The following ARL6IP5 variants were observed in gnomAD, a reference collection of about 807,000 sequenced individuals.
ARL6IP5 encodes PRA1 family protein 3.
Under a neutral mutation model 13.0 loss-of-function variants are expected in ARL6IP5, and 6 were observed. That is an observed-to-expected ratio of 0.46 (90% confidence interval 0.25 to 0.91). ARL6IP5 has a LOEUF of 0.91. ARL6IP5 is among the 40% of genes least tolerant of loss of function. The probability of loss-of-function intolerance (pLI) is 0.17; values close to 1 mark genes in which losing one functional copy is unlikely to be tolerated. For missense variants in ARL6IP5, 208 were observed against 248.8 expected, an observed-to-expected ratio of 0.84 and a Z score of 1.10; for synonymous variants, 91 against 91.9, an observed-to-expected ratio of 0.99 and a Z score of 0.06.
chr3:69,091,402 C>T (rs2092265417), intron 1 of ARL6IP5, among the ~76,000 whole-genome samples: 1 of 151,992 alleles, frequency 6.6e-6, no homozygotes, highest in Non-Finnish European at 1.5e-5. Context: ...TCAGGTGATC[C>T]TCCTGCCTCA....
At chr3:69,098,062 T>G (rs749955604) in intron 1 of ARL6IP5, among the ~76,000 whole-genome samples, 43 of 152,028 alleles carry the variant, frequency 2.8e-4, no homozygotes, top group Admixed American at 9.8e-4. Flanking sequence ...AATAATATAC[T>G]AATTATAGAA....
Position 69,105,542 on chromosome 3 carries a change from G to A in ARL6IP5, c.*906G>A, listed in dbSNP as rs1334799775. The A allele has an allele frequency of 1.3e-5, 2 of 152,186 alleles. No individual in the cohort carries two copies. The highest frequency in any genetic ancestry group is 3.8e-4 in the East Asian group (2 of 5,200). 9.4% of individuals were successfully genotyped at this position (152,186 alleles called of 1,614,324 possible). On this transcript the variant is annotated 3_prime_UTR_variant, in exon 3 of 3. Transcript: ENST00000273258. Reference sequence around the variant, plus strand: ...TTTTATTAATTCCTTAGGGGCACAAGGAGGACAATAATAGCTGATCTTTTG... The same window carrying A: ...TTTTATTAATTCCTTAGGGGCACAAAGAGGACAATAATAGCTGATCTTTTG...
intron 1 of ARL6IP5, 65 bp downstream of exon 1, chr3:69,085,288 A>G: frequency 6.5e-7 from 1 of 1,538,854 alleles, no homozygotes; most frequent in South Asian, 1.2e-5. Context: ...TCGGGGTGCA[A>G]GATCCCGGGA....
Position 69,104,862 on chromosome 3 carries a change from C to T in ARL6IP5, c.*226C>T, listed in dbSNP as rs1165220575. 6 of 705,086 alleles carry T rather than the reference C, an allele frequency of 8.5e-6. No homozygotes were observed. The highest frequency in any genetic ancestry group is 5.2e-5 in the African/African-American group (3 of 57,174). 43.7% of individuals were successfully genotyped at this position (705,086 alleles called of 1,614,324 possible). ...CCCTCCTATTGTGTCTGAAGTTTCA[C>T]GTGTGTTTATGAAATCTAATGGGAA... On this transcript the variant is annotated 3_prime_UTR_variant, in exon 3 of 3. Transcript: ENST00000273258.
chr3:69,085,262 C>T, intron 1 of ARL6IP5, 39 bp downstream of exon 1: 1 of 1,586,162 alleles, frequency 6.3e-7, no homozygotes, highest in Non-Finnish European at 8.6e-7. Context: ...CGATCCGGGG[C>T]GAGCACGGAG....
chr3:69,089,642 A>AG (rs897708378), intron 1 of ARL6IP5, among the ~76,000 whole-genome samples: 7 of 151,776 alleles, frequency 4.6e-5, no homozygotes, highest in African/African-American at 1.7e-4. Context: ...CTGTCTAAAA[A>AG]AAAAAAAAAA....
At chr3:69,097,531 G>A (rs547133202) in intron 1 of ARL6IP5, among the ~76,000 whole-genome samples, 1 of 152,030 alleles carries the variant, frequency 6.6e-6, no homozygotes, top group African/African-American at 2.4e-5. Context: ...GAGTTTCAAG[G>A]CCTCTTCATT....
intron 1 of ARL6IP5, among the ~76,000 whole-genome samples, chr3:69,096,828 T>TC (rs2092288889): frequency 6.6e-6 from 1 of 152,022 alleles, no homozygotes; most frequent in Non-Finnish European, 1.5e-5. Context: ...GGTCTTGATC[T>TC]CCTGACCTTG....
chr3:69,098,006 T>A (rs545596527), intron 1 of ARL6IP5, among the ~76,000 whole-genome samples: 214 of 152,290 alleles, frequency 1.4e-3, no homozygotes, highest in African/African-American at 4.8e-3. Flanking sequence ...TGCTTTTATG[T>A]TTTTGTATTT....
intron 1 of ARL6IP5, among the ~76,000 whole-genome samples, chr3:69,101,256 AT>A (rs905798495): frequency 3.6e-4 from 54 of 151,614 alleles, no homozygotes; most frequent in African/African-American, 1.2e-3. Flanking sequence ...AGTCTTCAAA[AT>A]TGTGGACCTC....
intron 1 of ARL6IP5, among the ~76,000 whole-genome samples, chr3:69,096,733 A>T (rs4855547): frequency 6.6e-6 from 1 of 150,630 alleles, no homozygotes; most frequent in African/African-American, 2.4e-5. Flanking sequence ...CCTCCCAAGT[A>T]GTTGGGATTA....
intron 1 of ARL6IP5, among the ~76,000 whole-genome samples, chr3:69,089,493 T>C (rs1559652255): frequency 6.6e-6 from 1 of 152,178 alleles, no homozygotes; most frequent in Non-Finnish European, 1.5e-5. Flanking sequence ...TGCAATGCTA[T>C]TGCTGTCTTA....
In ARL6IP5 at chr3:69,102,001, C is replaced by A. The variant is rs10489; in HGVS notation, c.339C>A (p.Ile113=). ...TCATGTTGGCGAGCTATTTCCTTAT[C>A]TCCATGTTTGGAGGAGTCATGGTCT... is the stretch of plus-strand genomic sequence containing the variant. ...MVVMLASYFL[I]SMFGGVMVFV... The change falls in exon 2 of 3, where the codon ATC becomes ATA. Residue 113 remains isoleucine, a synonymous_variant. Coordinates refer to ENST00000273258, the MANE Select transcript of ARL6IP5 (RefSeq NM_006407.4). The A allele has an allele frequency of 0.057, 91,814 of 1,613,954 alleles. 6,731 individuals are homozygous for A. Among genetic ancestry groups the A allele is most frequent in the East Asian group, 0.38 (16,844 of 44,846 alleles).
chr3:69,088,056 CT>C (rs921616821), intron 1 of ARL6IP5, among the ~76,000 whole-genome samples: 18 of 151,298 alleles, frequency 1.2e-4, no homozygotes, highest in Admixed American at 1.3e-4. Flanking sequence ...AAAACTGTTA[CT>C]TTTTTTTTAT....
At chr3:69,093,946 C>T (rs1337445996) in intron 1 of ARL6IP5, among the ~76,000 whole-genome samples, 1 of 152,010 alleles carries the variant, frequency 6.6e-6, no homozygotes, top group African/African-American at 2.4e-5. Context: ...AGAGGAAGAA[C>T]CTTTCTTGAG....
intron 2 of ARL6IP5, among the ~76,000 whole-genome samples, chr3:69,102,902 A>G (rs1333095440): frequency 6.6e-6 from 1 of 152,228 alleles, no homozygotes; most frequent in Non-Finnish European, 1.5e-5. Flanking sequence ...ATTATTTACT[A>G]AGACTCCAAA....
At chr3:69,090,566 AAT>A (rs778532384) in intron 1 of ARL6IP5, among the ~76,000 whole-genome samples, 85 of 152,190 alleles carry the variant, frequency 5.6e-4, no homozygotes, top group Middle Eastern at 3.2e-3. Flanking sequence ...CCAAATTCCA[AAT>A]CTCTCAGGTG....
In ARL6IP5 at chr3:69,096,857, C is replaced by T. The variant is rs2092288981; in HGVS notation, c.177-4982C>T. Among the ~76,000 whole-genome samples, 4 of 152,030 alleles carry T rather than the reference C, an allele frequency of 2.6e-5. No individual in the cohort carries two copies. The South Asian group carries it at 8.3e-4, about 31-fold the overall frequency. On this transcript the variant is annotated intron_variant, in intron 1 of 2. Coordinates refer to ENST00000273258, the MANE Select transcript of ARL6IP5 (RefSeq NM_006407.4). ...GACCTTGTGATCCACCTGCCTCAGC[C>T]TCCCAAAGTGCTGGGATTACAGGTG...
intron 1 of ARL6IP5, among the ~76,000 whole-genome samples, chr3:69,088,821 A>T (rs1457322260): frequency 6.6e-6 from 1 of 152,238 alleles, no homozygotes; most frequent in Non-Finnish European, 1.5e-5. Context: ...TTTTCACATC[A>T]CACACAACAA....
Sources: allele counts gnomAD v4.1 joint callset (sites outside exome capture counted in the v4.1 genomes callset), GRCh38; gene constraint gnomAD v4.1.1; transcripts MANE v1.5; gene names NCBI Gene and HGNC (gene_info 2026-07-23, HGNC 2026-07-21).